The following KCNQ1 variants were observed in gnomAD, a reference collection of about 807,000 sequenced individuals.
KCNQ1 encodes potassium voltage-gated channel subfamily KQT member 1.
Under a neutral mutation model 72.4 loss-of-function variants are expected in KCNQ1, and 49 were observed. That is an observed-to-expected ratio of 0.68 (90% CI 0.54 to 0.86). The LOEUF is 0.86. KCNQ1 is among the 40% of genes least tolerant of loss of function. The probability of loss-of-function intolerance (pLI) is 0.00; values close to 1 mark genes in which losing one functional copy is unlikely to be tolerated. For synonymous variants in KCNQ1, 450 were observed against 412.6 expected (o/e 1.09, Z -1.10); for missense variants, 790 against 945.1 (o/e 0.84, Z 2.15).
At chr11:2,466,876 G>A (rs1846359592) in intron 1 of KCNQ1, among the ~76,000 whole-genome samples, 1 of 152,238 alleles carries the variant, frequency 6.6e-6, no homozygotes, top group Non-Finnish European at 1.5e-5. Flanking sequence ...TTCCTCTGTG[G>A]TCTCCTCTGC....
chr11:2,723,241 G>A lies in KCNQ1; in HGVS notation c.1515-45603G>A, dbSNP rs1845702177. On this transcript the variant is annotated intron_variant, in intron 11 of 15. Coordinates refer to ENST00000155840, the MANE Select transcript of KCNQ1 (RefSeq NM_000218.3). The surrounding 1 kb of genome is among the most constrained non-coding windows in gnomAD (Gnocchi z 4.2). ...GCCACAGCTGCTTACCCCACTCCCT[G>A]CCGCCCTGGACAAGGTGCCCACGGC... Among the ~76,000 whole-genome samples, 6 of 152,204 alleles carry A rather than the reference G, an allele frequency of 3.9e-5. No homozygotes were observed. The highest frequency in any genetic ancestry group is 3.9e-4 in the Admixed American group (6 of 15,284).
rs557920142 is a variant in KCNQ1 at position 2,536,368 on chromosome 11, A to G, written c.477+8350A>G. Among the ~76,000 whole-genome samples the G allele has an allele frequency of 2.0e-5, 3 of 151,902 alleles. No homozygotes were observed. Among genetic ancestry groups the G allele is most frequent in the Non-Finnish European group, 4.4e-5 (3 of 67,974 alleles). Reference sequence around the variant, plus strand: ...CACCATTGCTCAACCCCCGAGAGTTATGGAAGGAAGGGAGGCTGGGGTGGG... The same window carrying G: ...CACCATTGCTCAACCCCCGAGAGTTGTGGAAGGAAGGGAGGCTGGGGTGGG... On this transcript the variant is annotated intron_variant, in intron 2 of 15. Coordinates refer to ENST00000155840, the MANE Select transcript of KCNQ1 (RefSeq NM_000218.3). This position sits in a 1 kb window ranked among gnomAD's most constrained non-coding sequence, Gnocchi z 7.4.
At position 2,698,301 on chromosome 11, in the gene KCNQ1, C is replaced by G. The variant is rs995652324; in HGVS notation, c.1514+36220C>G. 7.8e-5 allele frequency: 31 copies of G among 398,512 alleles called. No homozygotes were observed. Among genetic ancestry groups the G allele is most frequent in the African/African-American group, 6.2e-4 (30 of 48,626 alleles). 24.7% of individuals were successfully genotyped at this position (398,512 alleles called of 1,614,324 possible). On this transcript the variant is annotated intron_variant, in intron 11 of 15. Coordinates refer to ENST00000155840, the MANE Select transcript of KCNQ1 (RefSeq NM_000218.3). This position sits in a 1 kb window ranked among gnomAD's most constrained non-coding sequence, Gnocchi z 5.1. ...CTATTCTACCTGGATGAATTATTCT[C>G]TTTCATAACCAGAACAGTGCTGTGG...
rs557687961 is a variant in KCNQ1 at position 2,560,943 on chromosome 11, C to G, written c.478-9685C>G. On this transcript the variant is annotated intron_variant, in intron 2 of 15. Coordinates refer to ENST00000155840, the MANE Select transcript of KCNQ1 (RefSeq NM_000218.3). ...GCAGGACAGATAGGAACTCCCAGGC[C>G]TGTAATCCCAGCACTTTGGGAGGCC... 2.6e-5 allele frequency among the ~76,000 whole-genome samples: 4 copies of G among 152,150 alleles called. No individual in the cohort carries two copies. The South Asian group carries it at 8.3e-4, about 32-fold the overall frequency.
rs1848765554 is a variant in KCNQ1, at chr11:2,598,903, A to C, written c.1393+10049A>C. ...AGTGAGTTAGAACATGTAAGTGCTC[A>C]CCCAGGACCCATATGCAGCAAACAG... On this transcript the variant is annotated intron_variant, in intron 10 of 15. Coordinates refer to ENST00000155840, the MANE Select transcript of KCNQ1 (RefSeq NM_000218.3). This position sits in a 1 kb window ranked among gnomAD's most constrained non-coding sequence, Gnocchi z 6.2. Among the ~76,000 whole-genome samples the C allele has an allele frequency of 6.6e-6, 1 of 152,204 alleles. No individual in the cohort carries two copies. The highest frequency in any genetic ancestry group is 6.5e-5 in the Admixed American group (1 of 15,282).
rs1262724439 is a variant in KCNQ1, at chr11:2,603,392, T to A, written c.1393+14538T>A. On this transcript the variant is annotated intron_variant, in intron 10 of 15. Coordinates refer to ENST00000155840, the MANE Select transcript of KCNQ1 (RefSeq NM_000218.3). The surrounding 1 kb of genome is among the most constrained non-coding windows in gnomAD (Gnocchi z 4.1). ...GGCTTACCACACACATTTAATTTTT[T>A]AAAAACACAATATCCACAAAGTGCA... Among the ~76,000 whole-genome samples the A allele has an allele frequency of 1.3e-5, 2 of 152,208 alleles. No individual in the cohort carries two copies. Among genetic ancestry groups the A allele is most frequent in the East Asian group, 1.9e-4 (1 of 5,198 alleles).
rs753160180 is a variant in KCNQ1, at chr11:2,703,033, G to A, written c.1514+40952G>A. Among the ~76,000 whole-genome samples the A allele has an allele frequency of 6.6e-6, 1 of 152,162 alleles. No homozygotes were observed. Among genetic ancestry groups the A allele is most frequent in the East Asian group, 1.9e-4 (1 of 5,190 alleles). On this transcript the variant is annotated intron_variant, in intron 11 of 15. Transcript: ENST00000155840. The surrounding 1 kb of genome is among the most constrained non-coding windows in gnomAD (Gnocchi z 6.4). ...TGAGAGGGGTTTGTTGTCTCGTCGGGCGACAAGAGACACGTGGGAATTGGC... is the reference window on the plus strand; with the variant it reads ...TGAGAGGGGTTTGTTGTCTCGTCGGACGACAAGAGACACGTGGGAATTGGC...
At chr11:2,570,570 T>G in intron 2 of KCNQ1, 58 bp from the exon 3 acceptor site, 2 of 1,603,908 alleles carry the variant, frequency 1.2e-6, no homozygotes, top group Non-Finnish European at 1.7e-6. Context: ...GGTTGCAGGG[T>G]CTGAAGCCAC....
intron 10 of KCNQ1, chr11:2,615,580 T>G (rs1241741840): frequency 2.5e-6 from 1 of 397,976 alleles, no homozygotes; most frequent in Non-Finnish European, 4.4e-6. Context: ...TTCCATGTTT[T>G]TATCCTGAAA....
In KCNQ1 at chr11:2,762,089, C is replaced by T. The variant is rs1317486691; in HGVS notation, c.1515-6755C>T. ...TCACGGTCAGGCACCTATGACTCCC[C>T]GTTCCCTGCCTGCTCCCAGGCTGTT... is the stretch of plus-strand genomic sequence containing the variant. On this transcript the variant is annotated intron_variant, in intron 11 of 15. Transcript: ENST00000155840. This position sits in a 1 kb window ranked among gnomAD's most constrained non-coding sequence, Gnocchi z 4.3. Among the ~76,000 whole-genome samples the T allele has an allele frequency of 1.3e-5, 2 of 152,322 alleles. No individual in the cohort carries two copies. Among genetic ancestry groups the T allele is most frequent in the Admixed American group, 6.5e-5 (1 of 15,306 alleles).
rs1846378606 is a variant in KCNQ1, at chr11:2,468,067, G to A, written c.386+22583G>A. ...AGCTTCTTAAAGGGCTGTTAGCCAC[G>A]TGCTTAGACTGTGCCCGGAAAATGC... On this transcript the variant is annotated intron_variant, in intron 1 of 15. Transcript: ENST00000155840. This position sits in a 1 kb window ranked among gnomAD's most constrained non-coding sequence, Gnocchi z 5.7. 6.6e-6 allele frequency among the ~76,000 whole-genome samples: 1 copy of A among 152,358 alleles called. No homozygotes were observed. Among genetic ancestry groups the A allele is most frequent in the East Asian group, 1.9e-4 (1 of 5,184 alleles).
rs1848726773 is a variant in KCNQ1, at chr11:2,595,907, A to C, written c.1393+7053A>C. On this transcript the variant is annotated intron_variant, in intron 10 of 15. Coordinates refer to ENST00000155840, the MANE Select transcript of KCNQ1 (RefSeq NM_000218.3). The surrounding 1 kb of genome is among the most constrained non-coding windows in gnomAD (Gnocchi z 5.0). ...CACCATTCTAGATGAAATTAAGAAC[A>C]TTAGTGATTCATGGAAGAACGTCAA... 6.6e-6 allele frequency among the ~76,000 whole-genome samples: 1 copy of C among 152,234 alleles called. No homozygotes were observed. Among genetic ancestry groups the C allele is most frequent in the African/African-American group, 2.4e-5 (1 of 41,468 alleles).
chr11:2,463,999 C>T lies in KCNQ1; in HGVS notation c.386+18515C>T, dbSNP rs1400883672. ...GTTTGATAACCGTGGACCGGGGTGA[C>T]AGGCCCTGACTCTGCAGAGCAGGAC... On this transcript the variant is annotated intron_variant, in intron 1 of 15. Transcript: ENST00000155840. This position sits in a 1 kb window ranked among gnomAD's most constrained non-coding sequence, Gnocchi z 7.0. 6.6e-6 allele frequency among the ~76,000 whole-genome samples: 1 copy of T among 152,230 alleles called. No homozygotes were observed. Among genetic ancestry groups the T allele is most frequent in the Admixed American group, 6.5e-5 (1 of 15,288 alleles).
Position 2,645,516 on chromosome 11 carries a change from G to A in KCNQ1, c.1394-16445G>A. 5.0e-6 allele frequency: 2 copies of A among 398,800 alleles called. No homozygotes were observed. The highest frequency in any genetic ancestry group is 8.8e-6 in the Non-Finnish European group (2 of 226,210). The allele number at this position is 398,800 out of a possible 1,614,324, so 24.7% of individuals were successfully genotyped here. On this transcript the variant is annotated intron_variant, in intron 10 of 15. Transcript: ENST00000155840. The surrounding 1 kb of genome is among the most constrained non-coding windows in gnomAD (Gnocchi z 5.8). ...TTGGGGCAGCAGCAACTCTATTGCA[G>A]CCCTACTCCTGGGGAAGTTGAGTGG...
chr11:2,542,994 G>A (rs755507034), intron 2 of KCNQ1, among the ~76,000 whole-genome samples: 1 of 152,026 alleles, frequency 6.6e-6, no homozygotes, highest in African/African-American at 2.4e-5. Flanking sequence ...GACGTGGTCC[G>A]TCATTTTCAT....
Position 2,782,148 on chromosome 11 carries a change from G to A in KCNQ1, c.1794+4111G>A, listed in dbSNP as rs886663996. 7.9e-5 allele frequency among the ~76,000 whole-genome samples: 12 copies of A among 152,122 alleles called. No homozygotes were observed. The highest frequency in any genetic ancestry group is 1.9e-4 in the East Asian group (1 of 5,176). On this transcript the variant is annotated intron_variant, in intron 15 of 15. Transcript: ENST00000155840. This position sits in a 1 kb window ranked among gnomAD's most constrained non-coding sequence, Gnocchi z 6.1. ...GCTTTTTTGTCTTGGGCAGTTCCCC[G>A]AGCTGCACCCCCAGAGCCGCCGTGC... is the stretch of plus-strand genomic sequence containing the variant.
At chr11:2,694,564 T>C (rs1413945890) in intron 11 of KCNQ1, 4 of 398,388 alleles carry the variant, frequency 1.0e-5, no homozygotes, top group South Asian at 2.5e-4. Context: ...TCTCACTGAG[T>C]TGTGAAAATG....
rs770845250 is a variant in KCNQ1 at position 2,759,069 on chromosome 11, G to A, written c.1515-9775G>A. Among the ~76,000 whole-genome samples the A allele has an allele frequency of 1.3e-5, 2 of 151,448 alleles. No homozygotes were observed. Among genetic ancestry groups the A allele is most frequent in the Admixed American group, 6.6e-5 (1 of 15,248 alleles). ...TACTCCACCCATGCAAGGTGTGACC[G>A]TCGCGAACTCACGTAGAGGGCATAC... On this transcript the variant is annotated intron_variant, in intron 11 of 15. Coordinates refer to ENST00000155840, the MANE Select transcript of KCNQ1 (RefSeq NM_000218.3). This position sits in a 1 kb window ranked among gnomAD's most constrained non-coding sequence, Gnocchi z 4.4.
At chr11:2,697,637 T>G in intron 11 of KCNQ1, 1 of 398,570 alleles carries the variant, frequency 2.5e-6, no homozygotes, top group Non-Finnish European at 4.4e-6. Context: ...AACCATATGG[T>G]TTTTCTCCTG....
Sources: gnomAD v4.1 joint callset for allele counts (sites outside exome capture counted in the v4.1 genomes callset) on GRCh38, gnomAD v4.1.1 for gene constraint, Gnocchi (gnomAD v3.1) non-coding constraint, MANE v1.5 for transcripts, NCBI Gene and HGNC (gene_info 2026-07-23, HGNC 2026-07-21) for gene names.